The following DHX35 variants were observed in gnomAD, a reference collection of about 807,000 sequenced individuals.
The protein encoded by DHX35 is probable ATP-dependent RNA helicase DHX35.
DHX35 carries 84 observed loss-of-function variants against 99.6 expected under a neutral mutation model. That is an observed-to-expected ratio of 0.84 (90% CI 0.71 to 1.01). DHX35 has a LOEUF of 1.01. Among genes scored for constraint, DHX35 ranks in the 50% least tolerant of loss-of-function variants. The pLI is 0.00. For synonymous variants in DHX35, 331 were observed against 316.2 expected (o/e 1.05, Z -0.50); for missense variants, 852 against 888.5 (o/e 0.96, Z 0.52).
At chr20:38,972,720 C>T (rs946784228) in intron 3 of DHX35, 69 bp downstream of exon 3, 1 of 993,210 alleles carries the variant, frequency 1.0e-6, no homozygotes, top group Admixed American at 2.0e-5. Context: ...CTTGAGAGCT[C>T]TCTTTACTAT....
intron 12 of DHX35, among the ~76,000 whole-genome samples, chr20:39,008,883 C>T (rs2086658329): frequency 6.6e-6 from 1 of 152,210 alleles, no homozygotes; most frequent in Non-Finnish European, 1.5e-5. Flanking sequence ...AGGCCTTCTT[C>T]CAGCCACCCT....
chr20:38,994,191 G>C (rs1049152388), intron 7 of DHX35, among the ~76,000 whole-genome samples: 1 of 151,780 alleles, frequency 6.6e-6, no homozygotes, highest in Admixed American at 6.6e-5. Flanking sequence ...CCTTTTTCAG[G>C]AACGGTATAA....
At chr20:39,036,986 C>T (rs1391980359) in intron 21 of DHX35, among the ~76,000 whole-genome samples, 2 of 152,180 alleles carry the variant, frequency 1.3e-5, no homozygotes, top group Non-Finnish European at 2.9e-5. Flanking sequence ...AGATCATTCA[C>T]GGCTCTGTTC....
At chr20:39,010,740 G>C (rs2145912866) in intron 13 of DHX35, among the ~76,000 whole-genome samples, 1 of 152,306 alleles carries the variant, frequency 6.6e-6, no homozygotes, top group East Asian at 1.9e-4. Flanking sequence ...CACCAGGTTA[G>C]GAGTGGAGAG....
intron 7 of DHX35, among the ~76,000 whole-genome samples, chr20:38,992,974 C>T (rs1336307238): frequency 6.6e-6 from 1 of 152,126 alleles, no homozygotes; most frequent in South Asian, 2.1e-4. Context: ...TGTATAATGA[C>T]CCCCATGTAC....
intron 8 of DHX35, among the ~76,000 whole-genome samples, chr20:38,999,403 C>T (rs555086955): frequency 4.5e-4 from 68 of 152,190 alleles, no homozygotes; most frequent in African/African-American, 1.1e-3. Context: ...GCTGAGCCTT[C>T]GTGCTTGTGG....
intron 2 of DHX35, among the ~76,000 whole-genome samples, chr20:38,971,354 AAAAACAAAAC>A (rs1346812984): frequency 6.6e-6 from 1 of 152,206 alleles, no homozygotes; most frequent in African/African-American, 2.4e-5. Context: ...CTCCATCTCA[AAAAACAAAAC>A]AAAACAAAAC....
chr20:39,016,465 T>A (rs899872902), intron 14 of DHX35, among the ~76,000 whole-genome samples: 2 of 152,352 alleles, frequency 1.3e-5, no homozygotes, highest in South Asian at 2.1e-4. Context: ...TAACGTATAT[T>A]CATACCTTAT....
At chr20:38,972,004 G>GTTTTTTTTTTTTTTTTTT (rs752049458) in intron 2 of DHX35, among the ~76,000 whole-genome samples, 30 of 81,036 alleles carry the variant, frequency 3.7e-4, no homozygotes, top group Non-Finnish European at 5.1e-4. Context: ...GTTTTGTTTT[G>GTTTTTTTTTTTTTTTTTT]TTTTTTTTTT....
In DHX35 at chr20:39,028,412, A is replaced by G. The variant is rs372418987; in HGVS notation, c.1802-6A>G. On this transcript the variant is annotated splice_region_variant and splice_polypyrimidine_tract_variant and intron_variant, in intron 18 of 21. Transcript: ENST00000252011. ...TCACCCGCCTCTCTGTTGGCTGCCT[A>G]TGTAGGTGACCCGGATCTGGTTCTG... is the stretch of plus-strand genomic sequence containing the variant. The G allele has an allele frequency of 7.1e-5, 114 of 1,614,154 alleles. No homozygotes were observed. In the Middle Eastern group the frequency reaches 1.3e-3, roughly 19 times the overall value.
intron 13 of DHX35, among the ~76,000 whole-genome samples, chr20:39,013,532 A>G (rs186740444): frequency 1.3e-5 from 2 of 152,358 alleles, no homozygotes; most frequent in African/African-American, 4.8e-5. Flanking sequence ...AGATGAAAAT[A>G]CTATGGATAA....
Position 39,021,423 on chromosome 20 carries a change from A to G in DHX35, c.1499-418A>G, listed in dbSNP as rs149480869. On this transcript the variant is annotated intron_variant, in intron 15 of 21. Transcript: ENST00000252011. ...TCCTTTTTTGGAGTCCTTCAAGGCT[A>G]CTATTCATCTGGGTTACATATGGGA... Among the ~76,000 whole-genome samples, 1,366 of 152,372 alleles carry G rather than the reference A, an allele frequency of 9.0e-3. 9 individuals carry two copies. Among genetic ancestry groups the G allele is most frequent in the Middle Eastern group, 0.024 (7 of 294 alleles).
At chr20:38,970,672 T>A (rs565103581) in intron 2 of DHX35, among the ~76,000 whole-genome samples, 2 of 152,200 alleles carry the variant, frequency 1.3e-5, no homozygotes, top group African/African-American at 4.8e-5. Flanking sequence ...AGGACTGTTA[T>A]GAGGACCAGA....
intron 1 of DHX35, among the ~76,000 whole-genome samples, chr20:38,966,626 G>A (rs4810247): frequency 0.33 from 50,241 of 152,046 alleles, 8,393 homozygotes; most frequent in Middle Eastern, 0.52. Context: ...CTGGCATCTC[G>A]CCACTGCACT....
intron 4 of DHX35, among the ~76,000 whole-genome samples, chr20:38,986,141 T>C (rs1177244612): frequency 6.6e-6 from 1 of 152,050 alleles, no homozygotes; most frequent in Non-Finnish European, 1.5e-5. Context: ...AGATACAAAT[T>C]TGTGAAAGCT....
intron 20 of DHX35, among the ~76,000 whole-genome samples, chr20:39,033,111 C>CT (rs747267286): frequency 1.9e-4 from 29 of 152,202 alleles, no homozygotes; most frequent in Non-Finnish European, 3.5e-4. Context: ...TGGCACGTGG[C>CT]TGTAGTACTA....
In DHX35 at chr20:38,979,359, CAT is replaced by C. The variant is rs66596374; in HGVS notation, c.268-4339_268-4338del. Among the ~76,000 whole-genome samples, 1,018 of 152,202 alleles carry C rather than the reference CAT, an allele frequency of 6.7e-3. 11 individuals are homozygous for C. Among genetic ancestry groups the C allele is most frequent in the African/African-American group, 0.023 (948 of 41,504 alleles). On this transcript the variant is annotated intron_variant, in intron 3 of 21. Coordinates refer to ENST00000252011, the MANE Select transcript of DHX35 (RefSeq NM_021931.4). ...CTTATGGGGTTGCTGGCTCAAAACA[CAT>C]GTGCATTTGAATTGAATTATTTTAA...
intron 1 of DHX35, among the ~76,000 whole-genome samples, chr20:38,966,544 C>CT (rs1332741208): frequency 1.3e-5 from 2 of 152,150 alleles, no homozygotes; most frequent in Non-Finnish European, 2.9e-5. Context: ...TGGTGCGTGC[C>CT]TGTAATCCCA....
intron 12 of DHX35, 63 bp from the exon 13 acceptor site, chr20:39,010,217 G>A: frequency 6.2e-7 from 1 of 1,612,398 alleles, no homozygotes; most frequent in Non-Finnish European, 8.5e-7. Context: ...TTTGTCCCTT[G>A]GCATAGTGAT....
Sources: allele counts gnomAD v4.1 joint callset (sites outside exome capture counted in the v4.1 genomes callset), GRCh38; gene constraint gnomAD v4.1.1; transcripts MANE v1.5; gene names NCBI Gene and HGNC (gene_info 2026-07-23, HGNC 2026-07-21).